The following HIVEP3 variants were observed in gnomAD, a reference collection of about 807,000 sequenced individuals.
HIVEP3 encodes transcription factor HIVEP3.
HIVEP3 carries 49 observed loss-of-function variants against 152.8 expected under a neutral mutation model. That is an observed-to-expected ratio of 0.32 (90% CI 0.26 to 0.41). HIVEP3 has a LOEUF of 0.41. HIVEP3 is among the 10% of genes least tolerant of loss of function. HIVEP3 has a pLI of 1.00. For missense variants in HIVEP3, 2,790 were observed against 3,103.3 expected (o/e 0.90, Z 2.40); for synonymous variants, 1,269 against 1,289.0 (o/e 0.98, Z 0.33).
At chr1:41,642,785 T>C (rs12070832) in intron 2 of HIVEP3, among the ~76,000 whole-genome samples, 11,307 of 152,228 alleles carry the variant, frequency 0.074, 958 homozygotes, top group African/African-American at 0.21. Context: ...AAGATCAATC[T>C]GCAGCCCATC....
rs1467911845 is a variant in HIVEP3 at position 41,609,616 on chromosome 1, T to G, written c.-522+19133A>C. Among the ~76,000 whole-genome samples, 8 of 152,376 alleles carry G rather than the reference T, an allele frequency of 5.3e-5. No individual in the cohort carries two copies. In the East Asian group the frequency reaches 1.3e-3, roughly 26 times the overall value. ...CTCCAATCCATAATGACACCCCTTTTTAAGACCCTTCAGCCTCCCCACTAG... is the reference window on the plus strand; with the variant it reads ...CTCCAATCCATAATGACACCCCTTTGTAAGACCCTTCAGCCTCCCCACTAG... On this transcript the variant is annotated intron_variant, in intron 3 of 8. Transcript: ENST00000372583.
rs1354052617 is a variant in HIVEP3, at chr1:41,533,299, G to A, written c.5208-8389C>T. Among the ~76,000 whole-genome samples, 2 of 152,068 alleles carry A rather than the reference G, an allele frequency of 1.3e-5. No homozygotes were observed. Among genetic ancestry groups the A allele is most frequent in the African/African-American group, 4.8e-5 (2 of 41,400 alleles). ...GGGTCCAGCTCCTCCTGCGGTGCCA[G>A]AGCCCACCCCACCCACTGTCCTCTC... is the stretch of plus-strand genomic sequence containing the variant. On this transcript the variant is annotated intron_variant, in intron 5 of 8. Coordinates refer to ENST00000372583, the MANE Select transcript of HIVEP3 (RefSeq NM_024503.5). This position sits in a 1 kb window ranked among gnomAD's most constrained non-coding sequence, Gnocchi z 4.3.
chr1:42,032,279 G>C (rs971957702), intron 1 of HIVEP3, among the ~76,000 whole-genome samples: 8 of 152,144 alleles, frequency 5.3e-5, no homozygotes, highest in Non-Finnish European at 8.8e-5. Context: ...AAGACTCGGA[G>C]TCAGAAAGAC....
chr1:41,854,517 C>CTTTTTT (rs998972000), intron 1 of HIVEP3, among the ~76,000 whole-genome samples: 2 of 103,636 alleles, frequency 1.9e-5, no homozygotes, highest in African/African-American at 4.2e-5. Context: ...TCTTGCTGCA[C>CTTTTTT]TTTTTTTTTT....
intron 1 of HIVEP3, among the ~76,000 whole-genome samples, chr1:42,035,614 G>A (rs1164176995): frequency 6.6e-6 from 1 of 152,038 alleles, no homozygotes; most frequent in Non-Finnish European, 1.5e-5. Flanking sequence ...GAGGCCAGAC[G>A]GGGGACCCCA....
At chr1:41,733,469 G>T (rs1356719951) in intron 1 of HIVEP3, among the ~76,000 whole-genome samples, 1 of 152,234 alleles carries the variant, frequency 6.6e-6, no homozygotes, top group Non-Finnish European at 1.5e-5. Flanking sequence ...TGGCCATCCA[G>T]CCTCTCCCTA....
intron 1 of HIVEP3, among the ~76,000 whole-genome samples, chr1:42,010,935 T>C (rs906220188): frequency 9.8e-5 from 15 of 152,300 alleles, no homozygotes; most frequent in Non-Finnish European, 1.2e-4. Flanking sequence ...TATGTGCTAA[T>C]TCCTAGCTTG....
chr1:41,914,260 G>T (rs1458045130), intron 1 of HIVEP3, among the ~76,000 whole-genome samples: 1 of 152,184 alleles, frequency 6.6e-6, no homozygotes, highest in Non-Finnish European at 1.5e-5. Flanking sequence ...CACCTCCTCT[G>T]CCTTCCAAGC....
At chr1:41,870,861 C>G (rs1341466192) in intron 1 of HIVEP3, among the ~76,000 whole-genome samples, 1 of 152,146 alleles carries the variant, frequency 6.6e-6, no homozygotes, top group Non-Finnish European at 1.5e-5. Context: ...CTCCACTGAC[C>G]AGCTATGTGA....
chr1:41,759,691 G>C (rs549798656), intron 1 of HIVEP3, among the ~76,000 whole-genome samples: 2 of 152,296 alleles, frequency 1.3e-5, no homozygotes, highest in Admixed American at 6.5e-5. Flanking sequence ...GGCACCCAAG[G>C]CATCCCAGTC....
At chr1:41,617,029 C>G (rs1644979233) in intron 3 of HIVEP3, among the ~76,000 whole-genome samples, 3 of 152,300 alleles carry the variant, frequency 2.0e-5, no homozygotes, top group Admixed American at 1.3e-4. Context: ...GATTTGAACC[C>G]TGGCTGTCTG....
chr1:41,783,112 GC>G (rs904666806), intron 1 of HIVEP3, among the ~76,000 whole-genome samples: 1 of 152,216 alleles, frequency 6.6e-6, no homozygotes, highest in Admixed American at 6.5e-5. Flanking sequence ...TGTCCTCAGG[GC>G]CCCTGCTAAG....
At chr1:41,518,739 A>C (rs921228156) in intron 6 of HIVEP3, among the ~76,000 whole-genome samples, 1 of 152,138 alleles carries the variant, frequency 6.6e-6, no homozygotes. Flanking sequence ...GTGAGGGGAC[A>C]GACAGTATAA....
chr1:41,714,543 C>A (rs1646561577), intron 1 of HIVEP3, among the ~76,000 whole-genome samples: 1 of 152,138 alleles, frequency 6.6e-6, no homozygotes, highest in Admixed American at 6.5e-5. Flanking sequence ...TTTGCTGATT[C>A]CAGAACACGG....
At chr1:41,971,920 C>T (rs143697057) in intron 1 of HIVEP3, among the ~76,000 whole-genome samples, 4 of 152,292 alleles carry the variant, frequency 2.6e-5, no homozygotes, top group Non-Finnish European at 4.4e-5. Context: ...TGTGAGGACA[C>T]GGTGTTCCTG....
At chr1:41,871,502 T>G (rs1157345134) in intron 1 of HIVEP3, among the ~76,000 whole-genome samples, 1 of 152,160 alleles carries the variant, frequency 6.6e-6, no homozygotes, top group East Asian at 1.9e-4. Context: ...AGGAGTTGCT[T>G]CATGGAACTG....
At chr1:41,985,720 C>A (rs989349341) in intron 1 of HIVEP3, among the ~76,000 whole-genome samples, 2 of 152,056 alleles carry the variant, frequency 1.3e-5, no homozygotes, top group Admixed American at 1.3e-4. Context: ...GATCTGGGGG[C>A]GAGGAACAGC....
intron 3 of HIVEP3, among the ~76,000 whole-genome samples, chr1:41,612,840 C>T (rs1644917743): frequency 6.6e-6 from 1 of 152,226 alleles, no homozygotes; most frequent in Non-Finnish European, 1.5e-5. Context: ...TTCATCTTTG[C>T]ATGGAAGAGA....
intron 1 of HIVEP3, among the ~76,000 whole-genome samples, chr1:41,750,576 T>C (rs1413470089): frequency 6.6e-6 from 1 of 152,136 alleles, no homozygotes; most frequent in African/African-American, 2.4e-5. Context: ...CGGGCCTTGG[T>C]TCATTGCCAC....
Sources: gnomAD v4.1 joint callset for allele counts (sites outside exome capture counted in the v4.1 genomes callset) on GRCh38, gnomAD v4.1.1 for gene constraint, Gnocchi (gnomAD v3.1) non-coding constraint, MANE v1.5 for transcripts, NCBI Gene and HGNC (gene_info 2026-07-23, HGNC 2026-07-21) for gene names.